Variants in C1QTNF3 observed in about 807,000 individuals in gnomAD.
C1QTNF3 encodes complement C1q tumor necrosis factor-related protein 3.
A neutral mutation model predicts 32.6 loss-of-function variants in C1QTNF3; 26 were observed. The ratio of observed to expected loss-of-function variants is 0.80; its 90% CI spans 0.58 to 1.11. The LOEUF is 1.11. C1QTNF3 is among the 50% of genes least tolerant of loss of function. The pLI is 0.00. For synonymous variants in C1QTNF3, 155 were observed against 146.0 expected (o/e 1.06, Z -0.44); for missense variants, 362 against 398.2 (o/e 0.91, Z 0.77).
the C1QTNF3 span, among the ~76,000 whole-genome samples, chr5:34,137,865 T>C: frequency 1.3e-5 from 2 of 152,092 alleles, no homozygotes; most frequent in Admixed American, 6.5e-5. Flanking sequence ...TGATTTGTGA[T>C]CCCCCCAATT....
chr5:34,033,289 C>T lies in C1QTNF3; in HGVS notation c.570+15G>A. 6.2e-7 allele frequency: 1 copy of T among 1,613,026 alleles called. No homozygotes were observed. The highest frequency in any genetic ancestry group is 8.5e-7 in the Non-Finnish European group (1 of 1,179,732). ...GGTTGGAAAGCCACCAGGAGATGTA[C>T]CGAGGATGGTTTACCTGAAGTTCTG... On this transcript the variant is annotated intron_variant, in intron 3 of 5. Coordinates refer to ENST00000382065, the MANE Select transcript of C1QTNF3 (RefSeq NM_181435.6).
At chr5:34,175,008 A>C in the C1QTNF3 span, among the ~76,000 whole-genome samples, 2 of 150,386 alleles carry the variant, frequency 1.3e-5, no homozygotes, top group African/African-American at 4.9e-5. Flanking sequence ...CAGCCTCCCA[A>C]AGTGCTGGGA....
At chr5:34,044,127 T>C (rs890951), upstream of C1QTNF3, among the ~76,000 whole-genome samples, 99,230 of 152,004 alleles carry the variant, frequency 0.65, 33,099 homozygotes, top group East Asian at 0.87. Context: ...CCAAACACGT[T>C]ATTTCAAACA....
intron 3 of C1QTNF3, among the ~76,000 whole-genome samples, chr5:34,031,974 T>C (rs934552956): frequency 6.6e-6 from 1 of 152,178 alleles, no homozygotes; most frequent in African/African-American, 2.4e-5. Flanking sequence ...CACGCACAAA[T>C]GAAAGACAGT....
the C1QTNF3 span, among the ~76,000 whole-genome samples, chr5:34,227,778 G>C: frequency 1.3e-5 from 2 of 151,658 alleles, no homozygotes; most frequent in Non-Finnish European, 2.9e-5. Flanking sequence ...AATAGCTGGG[G>C]GAAAATTTTG....
At chr5:34,049,191 CTTCT>C in the C1QTNF3 span, among the ~76,000 whole-genome samples, 5 of 152,166 alleles carry the variant, frequency 3.3e-5, no homozygotes, top group Admixed American at 1.3e-4. Flanking sequence ...TCCAGGTCAG[CTTCT>C]TTCTATGTTC....
At chr5:34,065,272 CCAA>C in the C1QTNF3 span, among the ~76,000 whole-genome samples, 4 of 152,184 alleles carry the variant, frequency 2.6e-5, no homozygotes, top group East Asian at 7.7e-4. Context: ...ATACAAGCAG[CCAA>C]CAAACATGAA....
At chr5:34,134,304 A>T in the C1QTNF3 span, among the ~76,000 whole-genome samples, 1 of 151,966 alleles carries the variant, frequency 6.6e-6, no homozygotes, top group Non-Finnish European at 1.5e-5. Context: ...TTGCACAGTC[A>T]TAACATCTAT....
the C1QTNF3 span, among the ~76,000 whole-genome samples, chr5:34,241,178 T>A: frequency 1.3e-5 from 2 of 151,888 alleles, no homozygotes; most frequent in African/African-American, 4.8e-5. Context: ...ACAGCCAATA[T>A]AATACTCAAT....
chr5:34,146,639 T>A, the C1QTNF3 span, among the ~76,000 whole-genome samples: 1 of 152,202 alleles, frequency 6.6e-6, no homozygotes, highest in Non-Finnish European at 1.5e-5. Flanking sequence ...TCTGGACCCC[T>A]AACTTTCACC....
At chr5:34,115,673 G>A in the C1QTNF3 span, among the ~76,000 whole-genome samples, 2 of 151,536 alleles carry the variant, frequency 1.3e-5, no homozygotes, top group African/African-American at 4.9e-5. Context: ...GAAGCTTGCA[G>A]TGAGCTGAGA....
the C1QTNF3 span, among the ~76,000 whole-genome samples, chr5:34,063,864 A>T: frequency 6.6e-6 from 1 of 152,184 alleles, no homozygotes; most frequent in Non-Finnish European, 1.5e-5. Context: ...TTTTGGGGCT[A>T]CACTTTCAAG....
chr5:34,160,178 G>A, the C1QTNF3 span, among the ~76,000 whole-genome samples: 5 of 152,074 alleles, frequency 3.3e-5, no homozygotes, highest in Non-Finnish European at 7.3e-5. Flanking sequence ...CCAGGGCAGT[G>A]TAGTCCTAAA....
chr5:34,038,092 A>G (rs1303969417), intron 1 of C1QTNF3, among the ~76,000 whole-genome samples: 2 of 152,292 alleles, frequency 1.3e-5, no homozygotes, highest in Admixed American at 6.5e-5. Context: ...GTGCTGTGTG[A>G]CCTTAGAGAA....
the C1QTNF3 span, among the ~76,000 whole-genome samples, chr5:34,127,627 A>T: frequency 4.1e-5 from 6 of 145,560 alleles, no homozygotes; most frequent in African/African-American, 1.5e-4. Flanking sequence ...TCGCTCTGTC[A>T]CCCAGACTGG....
At chr5:34,076,361 T>C in the C1QTNF3 span, among the ~76,000 whole-genome samples, 1 of 151,700 alleles carries the variant, frequency 6.6e-6, no homozygotes, top group East Asian at 1.9e-4. Flanking sequence ...CCAAGCTATA[T>C]GAAACTATTA....
chr5:34,094,214 G>A, the C1QTNF3 span, among the ~76,000 whole-genome samples: 1 of 152,204 alleles, frequency 6.6e-6, no homozygotes, highest in South Asian at 2.1e-4. Context: ...TCATGTTATA[G>A]GAGCTTCTCT....
the C1QTNF3 span, among the ~76,000 whole-genome samples, chr5:34,136,124 G>T: frequency 1.3e-5 from 2 of 152,142 alleles, no homozygotes; most frequent in Non-Finnish European, 2.9e-5. Context: ...AAAAGCAATG[G>T]CAACAAAAGC....
At position 34,043,144 on chromosome 5, in the gene C1QTNF3, A is replaced by G; in HGVS notation, c.-19T>C. 6.2e-7 allele frequency: 1 copy of G among 1,601,684 alleles called. No homozygotes were observed. The highest frequency in any genetic ancestry group is 8.5e-7 in the Non-Finnish European group (1 of 1,175,042). The stretch of plus-strand genomic sequence containing the variant: ...AAAGCATGATTCTCAACAGAGCCTC[A>G]GAGTCTCCCTGAGAAGACAGCAGAG... On this transcript the variant is annotated 5_prime_UTR_variant, in exon 1 of 6. Transcript: ENST00000382065.
Sources: allele counts gnomAD v4.1 joint callset (sites outside exome capture counted in the v4.1 genomes callset), GRCh38; gene constraint gnomAD v4.1.1; transcripts MANE v1.5; gene names NCBI Gene and HGNC (gene_info 2026-07-23, HGNC 2026-07-21).